Variants in ARHGAP32 observed in about 807,000 individuals in gnomAD.
ARHGAP32 encodes the protein rho GTPase-activating protein 32.
In ARHGAP32, 51 loss-of-function variants were observed where a neutral mutation model predicts 186.5. That is an observed-to-expected ratio of 0.27 (90% CI 0.22 to 0.35). ARHGAP32 has a LOEUF of 0.35. Among genes scored for constraint, ARHGAP32 ranks in the 10% least tolerant of loss-of-function variants. The pLI, the probability that ARHGAP32 is intolerant of heterozygous loss-of-function variation, is 1.00. For synonymous variants in ARHGAP32, 950 were observed against 964.3 expected (o/e 0.99, Z 0.27); for missense variants, 2,186 against 2,623.5 (o/e 0.83, Z 3.64).
At chr11:129,173,588 G>T (rs1003336016) in intron 1 of ARHGAP32, among the ~76,000 whole-genome samples, 1 of 152,188 alleles carries the variant, frequency 6.6e-6, no homozygotes, top group Non-Finnish European at 1.5e-5. Flanking sequence ...CTGGAAAATT[G>T]AATCCAGCAG....
At chr11:129,043,416 C>A (rs1044971349) in intron 10 of ARHGAP32, among the ~76,000 whole-genome samples, 1 of 99,122 alleles carries the variant, frequency 1.0e-5, no homozygotes. Context: ...AACGGAGGTT[C>A]GTTCTTGTTG....
chr11:128,985,869 T>TACATTTC (rs1945858322), intron 15 of ARHGAP32, 134 bp downstream of exon 15: 1 of 216,098 alleles, frequency 4.6e-6, no homozygotes, highest in Non-Finnish European at 8.7e-6. Context: ...TATATATATA[T>TACATTTC]ATATATATAT....
intron 5 of ARHGAP32, among the ~76,000 whole-genome samples, chr11:129,100,097 T>C (rs1340536164): frequency 6.6e-6 from 1 of 152,080 alleles, no homozygotes; most frequent in Admixed American, 6.5e-5. Flanking sequence ...GAGAGCTTCT[T>C]AGAGAAGTGG....
chr11:129,018,380 C>T lies in ARHGAP32; in HGVS notation c.1046-19912G>A, dbSNP rs7927558. Reference sequence around the variant, plus strand: ...ATGGAAAAACAACAATAGGCATCAGCAAATACCTTAAATAGCAGCAAAGAA... The same window carrying T: ...ATGGAAAAACAACAATAGGCATCAGTAAATACCTTAAATAGCAGCAAAGAA... On this transcript the variant is annotated intron_variant, in intron 11 of 22. Coordinates refer to ENST00000682385, the MANE Select transcript of ARHGAP32 (RefSeq NM_001378024.1). 4.0e-3 allele frequency among the ~76,000 whole-genome samples: 609 copies of T among 152,212 alleles called. 5 individuals are homozygous for T. Among genetic ancestry groups the T allele is most frequent in the Middle Eastern group, 0.014 (4 of 294 alleles).
At chr11:129,094,620 T>G (rs751742288) in intron 5 of ARHGAP32, among the ~76,000 whole-genome samples, 12 of 152,182 alleles carry the variant, frequency 7.9e-5, no homozygotes, top group African/African-American at 2.4e-4. Flanking sequence ...CAAGAAAGTT[T>G]GTCACAGAAC....
intron 11 of ARHGAP32, among the ~76,000 whole-genome samples, chr11:129,020,170 C>T (rs1345362868): frequency 5.3e-5 from 8 of 151,966 alleles, no homozygotes; most frequent in Middle Eastern, 6.8e-3. Context: ...TCATTTAAAA[C>T]GTCATTGGAG....
At chr11:128,985,180 G>A (rs1013863513) in intron 15 of ARHGAP32, among the ~76,000 whole-genome samples, 3 of 152,128 alleles carry the variant, frequency 2.0e-5, no homozygotes, top group Admixed American at 6.5e-5. Context: ...TACCATGCCC[G>A]GCTAATTTTG....
At chr11:129,095,946 T>C (rs1941715865) in intron 5 of ARHGAP32, among the ~76,000 whole-genome samples, 2 of 152,154 alleles carry the variant, frequency 1.3e-5, no homozygotes, top group Admixed American at 1.3e-4. Context: ...TTCAAAATAT[T>C]TAAAGTAGTG....
chr11:129,256,874 A>C (rs1196105601), intron 1 of ARHGAP32, among the ~76,000 whole-genome samples: 1 of 152,198 alleles, frequency 6.6e-6, no homozygotes, highest in Admixed American at 6.5e-5. Context: ...GTTCAAGAAC[A>C]TAAGGGCTAA....
intron 3 of ARHGAP32, 64 bp downstream of exon 3, chr11:129,124,739 G>T: frequency 1.6e-6 from 2 of 1,267,546 alleles, no homozygotes; most frequent in South Asian, 1.4e-5. Flanking sequence ...AGTTTTAAGA[G>T]AATTGAAGAA....
upstream of ARHGAP32, among the ~76,000 whole-genome samples, chr11:129,194,675 G>A (rs993315129): frequency 9.9e-5 from 15 of 151,844 alleles, no homozygotes; most frequent in Non-Finnish European, 1.9e-4. Flanking sequence ...GCTTGAACCC[G>A]GGAGGTGGAG....
intron 11 of ARHGAP32, chr11:129,023,923 G>T (rs1938713012): frequency 1.1e-5 from 11 of 985,384 alleles, no homozygotes; most frequent in Non-Finnish European, 1.1e-5. Context: ...ATATTTAGCA[G>T]TAGATTCATC....
chr11:129,076,848 C>A (rs1454806372), intron 6 of ARHGAP32, among the ~76,000 whole-genome samples: 2 of 152,112 alleles, frequency 1.3e-5, no homozygotes, highest in Non-Finnish European at 2.9e-5. Context: ...CAGGAACATA[C>A]CAGGAAAACC....
intron 12 of ARHGAP32, 33 bp from the exon 13 acceptor site, chr11:128,988,158 T>C: frequency 1.3e-6 from 2 of 1,530,626 alleles, no homozygotes; most frequent in Non-Finnish European, 1.8e-6. Flanking sequence ...CAGATGAAAT[T>C]GTAGTATTCA....
intron 1 of ARHGAP32, among the ~76,000 whole-genome samples, chr11:129,208,575 CA>C (rs1944543898): frequency 6.6e-6 from 1 of 151,812 alleles, no homozygotes; most frequent in African/African-American, 2.4e-5. Context: ...CTTAAGTAAA[CA>C]AATGGAAAAG....
chr11:129,064,009 T>G lies in ARHGAP32; in HGVS notation c.778A>C (p.Asn260His). The change falls in exon 9 of 23, where the codon AAT becomes CAT. Residue 260 changes from asparagine to histidine, a missense_variant. By Grantham distance (68) the Asn-to-His change is moderately conservative. Transcript: ENST00000682385. Reference sequence around the variant, plus strand: ...GACTCCTCATGAACCAAAAGGTGATTTCCCTTATTATCAATCTATCACAAA... The same window carrying G: ...GACTCCTCATGAACCAAAAGGTGATGTCCCTTATTATCAATCTATCACAAA... ...LTWMEIDNKG[N>H]HLLVHEESSI... 6.2e-7 allele frequency: 1 copy of G among 1,609,736 alleles called. No individual in the cohort carries two copies. The highest frequency in any genetic ancestry group is 8.5e-7 in the Non-Finnish European group (1 of 1,178,404).
At chr11:129,168,698 A>C (rs950978997) in intron 1 of ARHGAP32, among the ~76,000 whole-genome samples, 13 of 152,058 alleles carry the variant, frequency 8.5e-5, no homozygotes, top group African/African-American at 3.1e-4. Context: ...CAACTACAAA[A>C]CTCATTTTTT....
intron 11 of ARHGAP32, among the ~76,000 whole-genome samples, chr11:129,034,871 A>G (rs117728588): frequency 0.011 from 1,722 of 151,864 alleles, 14 homozygotes; most frequent in Middle Eastern, 0.024. Flanking sequence ...AAAAGAAAAA[A>G]CAGAGTCTGA....
At chr11:129,240,663 A>G (rs1270456244) in intron 1 of ARHGAP32, among the ~76,000 whole-genome samples, 1 of 152,206 alleles carries the variant, frequency 6.6e-6, no homozygotes, top group Non-Finnish European at 1.5e-5. Context: ...TTTGTGAACT[A>G]AGCAAAAAGT....
Sources: gnomAD v4.1 joint callset for allele counts (sites outside exome capture counted in the v4.1 genomes callset) on GRCh38, gnomAD v4.1.1 for gene constraint, MANE v1.5 for transcripts, NCBI Gene and HGNC (gene_info 2026-07-23, HGNC 2026-07-21) for gene names.